DGKG: variants seen among roughly 807,000 people sequenced by gnomAD.
DGKG encodes the protein DAG kinase gamma.
In DGKG, 78 loss-of-function variants were observed where a neutral mutation model predicts 105.3. The observed-to-expected ratio is 0.74, with a 90% confidence interval of 0.62 to 0.89. The LOEUF (loss-of-function observed/expected upper bound fraction) is 0.89, where lower values mean the gene tolerates loss of function less well. DGKG is among the 40% of genes least tolerant of loss of function. The pLI is 0.00. For synonymous variants in DGKG, 346 were observed against 367.1 expected (o/e 0.94, Z 0.66); for missense variants, 958 against 1,020.1 (o/e 0.94, Z 0.83).
At chr3:186,175,124 G>T (rs531260938) in intron 22 of DGKG, among the ~76,000 whole-genome samples, 1 of 152,230 alleles carries the variant, frequency 6.6e-6, no homozygotes, top group South Asian at 2.1e-4. Context: ...CCTCCTCAGG[G>T]CCTCAGTTTC....
chr3:186,211,011 G>A (rs904260848), intron 21 of DGKG, among the ~76,000 whole-genome samples: 3 of 152,288 alleles, frequency 2.0e-5, no homozygotes, highest in Admixed American at 6.5e-5. Flanking sequence ...CCCAGCCAAC[G>A]TGGGGTGAGA....
intron 24 of DGKG, among the ~76,000 whole-genome samples, chr3:186,150,441 C>T (rs897762648): frequency 6.6e-6 from 1 of 152,132 alleles, no homozygotes; most frequent in African/African-American, 2.4e-5. Context: ...TCAGCTCACA[C>T]CTGTCTTGTG....
At chr3:186,307,647 T>A (rs972784093) in intron 2 of DGKG, among the ~76,000 whole-genome samples, 2 of 152,228 alleles carry the variant, frequency 1.3e-5, no homozygotes, top group African/African-American at 4.8e-5. Context: ...GTTAACTGGC[T>A]GGTGAGTCTT....
intron 20 of DGKG, among the ~76,000 whole-genome samples, chr3:186,212,489 CT>C (rs1384549551): frequency 6.6e-6 from 1 of 152,212 alleles, no homozygotes; most frequent in Non-Finnish European, 1.5e-5. Context: ...ATCACCTCCC[CT>C]CTTCCTCAAA....
At position 186,231,764 on chromosome 3, in the gene DGKG, C is replaced by A. The variant is rs976154292; in HGVS notation, c.1826+10740G>T. On this transcript the variant is annotated intron_variant, in intron 20 of 24. Transcript: ENST00000265022. This position sits in a 1 kb window ranked among gnomAD's most constrained non-coding sequence, Gnocchi z 4.5. ...TGAAACCCGCTCTCTACTAAAAATA[C>A]AAAAAAATTAGCTGGGCATGGTGGC... 2.0e-5 allele frequency among the ~76,000 whole-genome samples: 3 copies of A among 151,700 alleles called. No individual in the cohort carries two copies. Among genetic ancestry groups the A allele is most frequent in the East Asian group, 1.9e-4 (1 of 5,150 alleles).
chr3:186,275,818 T>G (rs546388981), intron 9 of DGKG, among the ~76,000 whole-genome samples, 154 bp from the exon 10 acceptor site: 132 of 152,366 alleles, frequency 8.7e-4, no homozygotes, highest in African/African-American at 2.4e-3. Context: ...AACAAAATTT[T>G]TGTGTGTGTG....
chr3:186,330,343 A>G (rs1007852145), intron 1 of DGKG, among the ~76,000 whole-genome samples: 4 of 152,344 alleles, frequency 2.6e-5, no homozygotes, highest in African/African-American at 4.8e-5. Context: ...GAATTTATCA[A>G]TGAACTGTCA....
intron 19 of DGKG, among the ~76,000 whole-genome samples, chr3:186,250,260 A>G (rs1721144019): frequency 6.6e-6 from 1 of 152,150 alleles, no homozygotes; most frequent in Non-Finnish European, 1.5e-5. Context: ...GTTCTCACTT[A>G]CAAGTGGGAG....
Position 186,297,439 on chromosome 3 carries a change from C to T in DGKG, c.355G>A (p.Ala119Thr). The change falls in exon 5 of 25, where the codon GCC becomes ACC. Residue 119 changes from alanine (A) to threonine (T), a missense_variant. This residue lies in a region of DGKG where 643 missense variants were observed against 619.5 expected (regional missense o/e 1.04). Transcript: ENST00000265022. ...GACTTACCAGTATCAGGGGCACAGG[C>T]CTCGTCTGCTTTGGTGGCATTATCT... is the stretch of plus-strand genomic sequence containing the variant. The part of the protein sequence containing the change: ...NADNATKADE[A>T]CAPDTESNMA... 6.2e-7 allele frequency: 1 copy of T among 1,612,828 alleles called. No homozygotes were observed. The highest frequency in any genetic ancestry group is 8.5e-7 in the Non-Finnish European group (1 of 1,178,828).
At chr3:186,257,431 A>G (rs540148864) in intron 17 of DGKG, among the ~76,000 whole-genome samples, 1 of 152,238 alleles carries the variant, frequency 6.6e-6, no homozygotes, top group South Asian at 2.1e-4. Flanking sequence ...TTCTAGATGC[A>G]CTTTCTGGAC....
intron 22 of DGKG, among the ~76,000 whole-genome samples, chr3:186,180,851 T>C (rs1258049495): frequency 6.6e-6 from 1 of 152,190 alleles, no homozygotes; most frequent in Non-Finnish European, 1.5e-5. Context: ...GCATAGTCCA[T>C]ACAATTAGTG....
At position 186,284,647 on chromosome 3, in the gene DGKG, A is replaced by G. The variant is rs1722979200; in HGVS notation, c.594+13T>C. On this transcript the variant is annotated intron_variant, in intron 7 of 24. Transcript: ENST00000265022. This position sits in a 1 kb window ranked among gnomAD's most constrained non-coding sequence, Gnocchi z 4.0. ...TCTCAGGTCCATGAGGGATATTTAG[A>G]GTGAGAACTTACCGCTTGGTCCAGG... The G allele has an allele frequency of 3.7e-6, 6 of 1,610,920 alleles. No individual in the cohort carries two copies. The highest frequency in any genetic ancestry group is 4.5e-5 in the East Asian group (2 of 44,878).
At chr3:186,174,041 A>G (rs771292530) in intron 22 of DGKG, among the ~76,000 whole-genome samples, 2 of 152,216 alleles carry the variant, frequency 1.3e-5, no homozygotes, top group African/African-American at 2.4e-5. Flanking sequence ...CAGCACAGAG[A>G]ATGTACCCCT....
chr3:186,194,415 C>T (rs945237107), intron 21 of DGKG, among the ~76,000 whole-genome samples: 1 of 152,236 alleles, frequency 6.6e-6, no homozygotes, highest in Admixed American at 6.5e-5. Flanking sequence ...TCTCCTGCGC[C>T]GTGACCTCAA....
At chr3:186,350,410 T>C (rs1453517884) in intron 1 of DGKG, among the ~76,000 whole-genome samples, 1 of 152,246 alleles carries the variant, frequency 6.6e-6, no homozygotes, top group Non-Finnish European at 1.5e-5. Context: ...TTGCAGTATG[T>C]GTCAGAATTT....
intron 22 of DGKG, among the ~76,000 whole-genome samples, chr3:186,184,319 A>T (rs1012166289): frequency 6.6e-6 from 1 of 152,188 alleles, no homozygotes; most frequent in Non-Finnish European, 1.5e-5. Flanking sequence ...AACTGTAAGC[A>T]TGGGGCTTTT....
At chr3:186,217,016 TG>T (rs1248450489) in intron 20 of DGKG, among the ~76,000 whole-genome samples, 1 of 152,212 alleles carries the variant, frequency 6.6e-6, no homozygotes, top group Non-Finnish European at 1.5e-5. Context: ...GAGGCTTATG[TG>T]GCAAATGCAA....
At chr3:186,177,511 T>C (rs1717143054) in intron 22 of DGKG, among the ~76,000 whole-genome samples, 2 of 152,228 alleles carry the variant, frequency 1.3e-5, no homozygotes, top group Admixed American at 1.3e-4. Flanking sequence ...TCCCACACTC[T>C]TATAAACTCA....
chr3:186,313,407 A>G lies in DGKG; in HGVS notation c.68-6430T>C. On this transcript the variant is annotated intron_variant, in intron 2 of 24. Coordinates refer to ENST00000265022, the MANE Select transcript of DGKG (RefSeq NM_001346.3). ...TTAAGACACAATTTTTTTGTCATAA[A>G]TGATCTGAATCACTGGTATGACTTA... is the stretch of plus-strand genomic sequence containing the variant. The G allele has an allele frequency of 5.2e-6, 4 of 769,976 alleles. No homozygotes were observed. The South Asian group carries it at 2.4e-4, about 46-fold the overall frequency. 47.7% of individuals were successfully genotyped at this position (769,976 alleles called of 1,614,324 possible).
Sources: allele counts gnomAD v4.1 joint callset (sites outside exome capture counted in the v4.1 genomes callset), GRCh38; gene constraint gnomAD v4.1.1; regional missense constraint gnomAD v4.1.1; non-coding constraint Gnocchi (gnomAD v3.1); transcripts MANE v1.5; gene names NCBI Gene and HGNC (gene_info 2026-07-23, HGNC 2026-07-21).